FAF1: variants seen among roughly 807,000 people sequenced by gnomAD.
FAF1 encodes Fas associated factor 1, also known as FAS-associated factor 1.
A neutral mutation model predicts 92.5 loss-of-function variants in FAF1; 25 were observed. The observed-to-expected ratio is 0.27, with a 90% confidence interval of 0.20 to 0.38. The LOEUF is 0.38. Among genes scored for constraint, FAF1 ranks in the 10% least tolerant of loss-of-function variants. The pLI is 1.00. For missense variants in FAF1, 636 were observed against 793.3 expected (o/e 0.80, Z 2.38); for synonymous variants, 234 against 273.2 (o/e 0.86, Z 1.42).
At chr1:50,593,237 A>C (rs1246516764) in intron 9 of FAF1, among the ~76,000 whole-genome samples, 1 of 152,158 alleles carries the variant, frequency 6.6e-6, no homozygotes, top group African/African-American at 2.4e-5. Flanking sequence ...AAATAACCTA[A>C]ATAGTGTGCT....
At chr1:50,665,917 C>G (rs943247904) in intron 7 of FAF1, among the ~76,000 whole-genome samples, 4 of 152,154 alleles carry the variant, frequency 2.6e-5, no homozygotes, top group Admixed American at 2.6e-4. Context: ...AGGATCACAC[C>G]TGTAATCCCA....
chr1:50,862,824 G>A (rs1425164433), intron 1 of FAF1, among the ~76,000 whole-genome samples: 1 of 151,960 alleles, frequency 6.6e-6, no homozygotes, highest in South Asian at 2.1e-4. Flanking sequence ...AAAGGGACTA[G>A]TACAACAGGA....
chr1:50,542,064 T>C (rs1340353456), intron 13 of FAF1, among the ~76,000 whole-genome samples: 1 of 152,136 alleles, frequency 6.6e-6, no homozygotes, highest in African/African-American at 2.4e-5. Context: ...TATTGGAAAA[T>C]CACTCTAATT....
chr1:50,678,819 GCTCACGCCTGTAATCCCAACACT>G (rs1348557760), intron 7 of FAF1, among the ~76,000 whole-genome samples: 1 of 144,076 alleles, frequency 6.9e-6, no homozygotes, highest in Non-Finnish European at 1.5e-5. Flanking sequence ...AGTCATGGTG[GCTCACGCCTGTAATCCCAACACT>G]TTGGGAGGCC....
At chr1:50,688,920 C>T (rs1656792650) in intron 7 of FAF1, among the ~76,000 whole-genome samples, 1 of 152,188 alleles carries the variant, frequency 6.6e-6, no homozygotes, top group African/African-American at 2.4e-5. Context: ...AAGCCAAATA[C>T]AAAAGGCCAC....
In FAF1 at chr1:50,776,374, G is replaced by A. The variant is rs1287471501; in HGVS notation, c.367+11626C>T. On this transcript the variant is annotated intron_variant, in intron 4 of 18. Transcript: ENST00000396153. ...TAGCTCTTCCAGTTTTATTTGTTCT[G>A]GATTATAGTTTTACCTTATTATGAA... 1.3e-5 allele frequency among the ~76,000 whole-genome samples: 2 copies of A among 152,012 alleles called. 1 individual carries two copies. Among genetic ancestry groups the A allele is most frequent in the Non-Finnish European group, 2.9e-5 (2 of 68,006 alleles).
chr1:50,804,623 C>T (rs1662118954), intron 2 of FAF1, among the ~76,000 whole-genome samples: 1 of 152,098 alleles, frequency 6.6e-6, no homozygotes, highest in Non-Finnish European at 1.5e-5. Context: ...TAAAAAGATA[C>T]ATGGGAAACT....
At chr1:50,797,177 T>C (rs1326898520) in intron 3 of FAF1, among the ~76,000 whole-genome samples, 1 of 151,934 alleles carries the variant, frequency 6.6e-6, no homozygotes, top group Non-Finnish European at 1.5e-5. Context: ...GAGAGAGATC[T>C]TACCAGTCAA....
intron 2 of FAF1, among the ~76,000 whole-genome samples, chr1:50,842,288 T>C (rs1036742178): frequency 6.6e-6 from 1 of 152,010 alleles, no homozygotes; most frequent in Non-Finnish European, 1.5e-5. Context: ...GGGAGGTAGG[T>C]AGATACCAAG....
intron 8 of FAF1, among the ~76,000 whole-genome samples, chr1:50,650,647 A>C (rs1654823339): frequency 6.6e-6 from 1 of 152,160 alleles, no homozygotes. Flanking sequence ...AATAAAAACA[A>C]AAAACTGAAA....
chr1:50,777,270 T>A (rs180682889), intron 4 of FAF1, among the ~76,000 whole-genome samples: 2,097 of 149,808 alleles, frequency 0.014, 58 homozygotes, highest in African/African-American at 0.049. Flanking sequence ...AAAAAAAAAA[T>A]TTGCCAAACA....
chr1:50,616,494 G>C (rs1652919075), intron 8 of FAF1, among the ~76,000 whole-genome samples: 1 of 151,880 alleles, frequency 6.6e-6, no homozygotes, highest in Non-Finnish European at 1.5e-5. Context: ...CCATTTATTT[G>C]TCATCTCTGA....
intron 12 of FAF1, among the ~76,000 whole-genome samples, chr1:50,574,391 T>C (rs977584807): frequency 6.6e-6 from 1 of 152,194 alleles, no homozygotes; most frequent in East Asian, 1.9e-4. Flanking sequence ...AAGTAGGCAG[T>C]GTCAGGCCAA....
chr1:50,801,480 A>G (rs1661986875), intron 3 of FAF1, 151 bp downstream of exon 3: 3 of 448,868 alleles, frequency 6.7e-6, no homozygotes, highest in South Asian at 6.3e-5. Flanking sequence ...GGGAATTAAT[A>G]TAACACATAG....
At chr1:50,643,407 T>C (rs188191481) in intron 8 of FAF1, among the ~76,000 whole-genome samples, 444 of 152,268 alleles carry the variant, frequency 2.9e-3, no homozygotes, top group Middle Eastern at 6.8e-3. Context: ...TTATTAATTT[T>C]TTTCCTAAAA....
chr1:50,557,063 T>C (rs904889119), intron 13 of FAF1, among the ~76,000 whole-genome samples: 8 of 152,180 alleles, frequency 5.3e-5, no homozygotes, highest in Admixed American at 3.3e-4. Flanking sequence ...GCTCATTTAT[T>C]ACTGGGACTA....
chr1:50,928,662 A>G (rs535445940), intron 1 of FAF1, among the ~76,000 whole-genome samples: 24 of 151,264 alleles, frequency 1.6e-4, no homozygotes, highest in African/African-American at 5.8e-4. Flanking sequence ...GGGCGCCTGT[A>G]ATCCCAACTA....
chr1:50,882,940 C>A (rs1293878424), intron 1 of FAF1, among the ~76,000 whole-genome samples: 16 of 150,428 alleles, frequency 1.1e-4, no homozygotes, highest in Admixed American at 2.7e-4. Context: ...GCCGAGATTG[C>A]GCCACTGCAC....
At chr1:50,594,733 T>C (rs995689844) in intron 9 of FAF1, among the ~76,000 whole-genome samples, 4 of 151,488 alleles carry the variant, frequency 2.6e-5, no homozygotes, top group African/African-American at 7.3e-5. Context: ...TAGCTGAGCG[T>C]GGTGGCGGGC....
Sources: allele counts gnomAD v4.1 joint callset (sites outside exome capture counted in the v4.1 genomes callset), GRCh38; gene constraint gnomAD v4.1.1; transcripts MANE v1.5; gene names NCBI Gene and HGNC (gene_info 2026-07-23, HGNC 2026-07-21).